The following CELF2 variants were observed in gnomAD, a reference collection of about 807,000 sequenced individuals.
The protein encoded by CELF2 is CUGBP Elav-like family member 2, also known as CUG triplet repeat RNA-binding protein 2.
In CELF2, 8 loss-of-function variants were observed where a neutral mutation model predicts 62.6. The ratio of observed to expected loss-of-function variants is 0.13; its 90% CI spans 0.07 to 0.23. CELF2 has a LOEUF of 0.23. Ranked by LOEUF, CELF2 falls within the 10% of genes least tolerant of loss-of-function variation. CELF2 has a pLI of 1.00. For missense variants in CELF2, 333 were observed against 671.0 expected (o/e 0.50, Z 5.56); for synonymous variants, 258 against 250.0 (o/e 1.03, Z -0.30).
At chr10:11,051,596 G>T (rs2063934812) in intron 1 of CELF2, among the ~76,000 whole-genome samples, 1 of 152,182 alleles carries the variant, frequency 6.6e-6, no homozygotes, top group Admixed American at 6.5e-5. Flanking sequence ...AATGTGCTAA[G>T]GTTTCATAAC....
At chr10:10,775,306 C>T in the CELF2 span, among the ~76,000 whole-genome samples, 1 of 152,162 alleles carries the variant, frequency 6.6e-6, no homozygotes, top group Admixed American at 6.5e-5. Flanking sequence ...AGCAAGGAGG[C>T]ACTGGGGCTC....
At chr10:11,042,389 T>C (rs562070937) in intron 1 of CELF2, among the ~76,000 whole-genome samples, 2 of 152,216 alleles carry the variant, frequency 1.3e-5, no homozygotes, top group Non-Finnish European at 2.9e-5. Flanking sequence ...ATACAGATGA[T>C]TGAACGGTCT....
chr10:10,496,238 C>T, the CELF2 span, among the ~76,000 whole-genome samples: 1 of 152,338 alleles, frequency 6.6e-6, no homozygotes, highest in East Asian at 1.9e-4. Flanking sequence ...CCTTCTATGA[C>T]AAGTTACTTC....
chr10:10,906,742 C>T lies in CELF2; in HGVS notation c.54-13222C>T, dbSNP rs552288223. The stretch of plus-strand genomic sequence containing the variant: ...CTTTTTTTTTTTTTTTTTTTTGAAA[C>T]GGAGTCTCACTCTGTCGCCAGGCTG... On this transcript the variant is annotated intron_variant, in intron 1 of 13. Transcript: ENST00000636488. Among the ~76,000 whole-genome samples the T allele has an allele frequency of 5.6e-3, 315 of 56,608 alleles. 2 individuals carry two copies. Among genetic ancestry groups the T allele is most frequent in the African/African-American group, 0.022 (299 of 13,868 alleles). The allele number at this position is 56,608 out of a possible 152,430, so 37.1% of individuals were successfully genotyped here.
chr10:10,551,504 C>A, the CELF2 span, among the ~76,000 whole-genome samples: 3 of 152,074 alleles, frequency 2.0e-5, no homozygotes, highest in Non-Finnish European at 2.9e-5. Context: ...CCCCTCCCCC[C>A]CAGTCTCCAC....
intron 2 of CELF2, among the ~76,000 whole-genome samples, chr10:11,197,506 C>T (rs1003369525): frequency 2.0e-5 from 3 of 152,208 alleles, no homozygotes; most frequent in Non-Finnish European, 4.4e-5. Context: ...CTCCAGAATA[C>T]AGTTGAGTGT....
the CELF2 span, among the ~76,000 whole-genome samples, chr10:10,761,601 T>A: frequency 3.3e-4 from 50 of 152,334 alleles, no homozygotes; most frequent in Middle Eastern, 6.8e-3. Context: ...TCATCCAATC[T>A]GTTGAAGGCC....
rs540213067 is a variant in CELF2, at chr10:11,310,103, A to G, written c.977-4036A>G. On this transcript the variant is annotated intron_variant, in intron 9 of 12. Transcript: ENST00000633077. ...AATGGGACCCAGTACTCAGAATGCT[A>G]TGCCTAGCGTAGAGCTTCCCCTCCA... is the stretch of plus-strand genomic sequence containing the variant. 4.6e-5 allele frequency among the ~76,000 whole-genome samples: 7 copies of G among 152,276 alleles called. No homozygotes were observed. In the South Asian group the frequency reaches 8.3e-4, roughly 18 times the overall value.
chr10:10,509,300 T>A, the CELF2 span, among the ~76,000 whole-genome samples: 1 of 152,152 alleles, frequency 6.6e-6, no homozygotes, highest in Non-Finnish European at 1.5e-5. Context: ...ATTTTTGTGT[T>A]TCCCCACAAT....
chr10:10,806,958 C>G (rs186846704), intron 1 of CELF2, among the ~76,000 whole-genome samples: 2 of 152,138 alleles, frequency 1.3e-5, no homozygotes, highest in South Asian at 4.1e-4. Flanking sequence ...TTGTTGTCCA[C>G]GGTTACCCCC....
chr10:11,002,230 C>T (rs1269794905), upstream of CELF2, among the ~76,000 whole-genome samples: 2 of 152,128 alleles, frequency 1.3e-5, no homozygotes, highest in Non-Finnish European at 2.9e-5. The surrounding 1 kb of genome is among the most constrained non-coding windows in gnomAD (Gnocchi z 4.4). Context: ...ACCAACAGAT[C>T]TCATAAGACT....
chr10:10,538,335 A>T, the CELF2 span, among the ~76,000 whole-genome samples: 1 of 152,170 alleles, frequency 6.6e-6, no homozygotes, highest in East Asian at 1.9e-4. Flanking sequence ...CCAGTGCTGC[A>T]TTCAATGGAG....
the CELF2 span, among the ~76,000 whole-genome samples, chr10:10,573,075 G>A: frequency 2.6e-5 from 4 of 152,084 alleles, no homozygotes; most frequent in Admixed American, 6.5e-5. Flanking sequence ...AGCTCATTGT[G>A]GTTTTGATTT....
the CELF2 span, among the ~76,000 whole-genome samples, chr10:10,723,696 T>C: frequency 5.9e-5 from 9 of 152,342 alleles, no homozygotes; most frequent in Non-Finnish European, 8.8e-5. Flanking sequence ...AGAGAATTTC[T>C]GGAAGTATCT....
At chr10:10,654,896 G>T in the CELF2 span, among the ~76,000 whole-genome samples, 1 of 149,262 alleles carries the variant, frequency 6.7e-6, no homozygotes, top group Non-Finnish European at 1.5e-5. Context: ...AGGAAATAAA[G>T]GGTATTCAAT....
At chr10:10,591,737 A>G in the CELF2 span, among the ~76,000 whole-genome samples, 1 of 152,214 alleles carries the variant, frequency 6.6e-6, no homozygotes, top group South Asian at 2.1e-4. Context: ...ATCTGTGGCA[A>G]TTCAGTTCCC....
chr10:11,016,594 G>C (rs1484100965), upstream of CELF2, among the ~76,000 whole-genome samples: 1 of 152,198 alleles, frequency 6.6e-6, no homozygotes, highest in Non-Finnish European at 1.5e-5. This position sits in a 1 kb window ranked among gnomAD's most constrained non-coding sequence, Gnocchi z 5.2. Flanking sequence ...AGAATCTGGT[G>C]AGAAATAATT....
chr10:10,612,682 T>C, the CELF2 span, among the ~76,000 whole-genome samples: 7 of 152,190 alleles, frequency 4.6e-5, no homozygotes, highest in Non-Finnish European at 1.0e-4. Flanking sequence ...TGCCTTTCTT[T>C]CTGCTAATCC....
chr10:10,865,985 A>C (rs1205671429), intron 1 of CELF2, among the ~76,000 whole-genome samples: 1 of 152,100 alleles, frequency 6.6e-6, no homozygotes, highest in Non-Finnish European at 1.5e-5. Flanking sequence ...TTTGTGAAGT[A>C]ACAGCAGAAG....
Sources: allele counts gnomAD v4.1 joint callset (sites outside exome capture counted in the v4.1 genomes callset), GRCh38; gene constraint gnomAD v4.1.1; non-coding constraint Gnocchi (gnomAD v3.1); transcripts MANE v1.5; gene names NCBI Gene and HGNC (gene_info 2026-07-23, HGNC 2026-07-21).